Variants in CACNA1B observed in about 807,000 individuals in gnomAD.
CACNA1B encodes voltage-dependent N-type calcium channel subunit alpha-1B.
In CACNA1B, 70 loss-of-function variants were observed where a neutral mutation model predicts 247.2. The ratio of observed to expected loss-of-function variants is 0.28; its 90% CI spans 0.23 to 0.35. The LOEUF is 0.35. Among genes scored for constraint, CACNA1B ranks in the 10% least tolerant of loss-of-function variants. The probability of loss-of-function intolerance (pLI) is 1.00; values close to 1 mark genes in which losing one functional copy is unlikely to be tolerated. For synonymous variants in CACNA1B, 1,231 were observed against 1,294.4 expected, an observed-to-expected ratio of 0.95 and a Z score of 1.05; for missense variants, 2,367 against 3,197.4, an observed-to-expected ratio of 0.74 and a Z score of 6.26.
intron 16 of CACNA1B, among the ~76,000 whole-genome samples, chr9:138,009,488 G>A (rs1958697222): frequency 1.3e-5 from 2 of 152,252 alleles, no homozygotes; most frequent in Admixed American, 1.3e-4. Flanking sequence ...GCTGGCCACA[G>A]GTGGGTTTGC....
chr9:138,039,904 A>G (rs953989226), intron 20 of CACNA1B, among the ~76,000 whole-genome samples: 3 of 152,072 alleles, frequency 2.0e-5, no homozygotes, highest in Non-Finnish European at 4.4e-5. Context: ...ATTCATTAAT[A>G]TTTTGCTTGA....
chr9:137,921,286 G>T (rs1237188338), intron 6 of CACNA1B, among the ~76,000 whole-genome samples: 2 of 151,674 alleles, frequency 1.3e-5, no homozygotes, highest in African/African-American at 4.8e-5. Flanking sequence ...AGAGTAAAGC[G>T]TTCGGAGAAC....
chr9:137,984,920 A>G (rs528129719), intron 13 of CACNA1B, among the ~76,000 whole-genome samples: 48 of 152,228 alleles, frequency 3.2e-4, no homozygotes, highest in Non-Finnish European at 6.3e-4. Context: ...CCTCACTGCC[A>G]GAGTTGTAGT....
Position 138,121,963 on chromosome 9 carries a change from C to T in CACNA1B, c.6984C>T (p.His2328=), listed in dbSNP as rs778817136. 11 of 1,602,090 alleles carry T rather than the reference C, an allele frequency of 6.9e-6. No individual in the cohort carries two copies. The East Asian group carries it at 8.9e-5, about 13-fold the overall frequency. Residue 2328 remains histidine, a synonymous_variant, in exon 47 of 47, where the codon CAC becomes CAT. Transcript: ENST00000371372. The surrounding 1 kb of genome is among the most constrained non-coding windows in gnomAD (Gnocchi z 6.8). Reference sequence around the variant, plus strand: ...TCAGCTCGGGTGGCCGAGCACGGCACAGCTACCACCACCCTGACCAAGACC... The same window carrying T: ...TCAGCTCGGGTGGCCGAGCACGGCATAGCTACCACCACCCTGACCAAGACC... ...LGLSSGGRAR[H]SYHHPDQDHW... is the part of the protein sequence containing the mutation.
chr9:138,005,498 G>T (rs1368846916), intron 15 of CACNA1B, among the ~76,000 whole-genome samples: 2 of 152,184 alleles, frequency 1.3e-5, no homozygotes, highest in Admixed American at 6.5e-5. Flanking sequence ...TGGTTAAGGG[G>T]TACAAACACA....
chr9:137,998,122 T>G (rs901614643), intron 15 of CACNA1B, among the ~76,000 whole-genome samples: 1 of 151,464 alleles, frequency 6.6e-6, no homozygotes, highest in African/African-American at 2.4e-5. Flanking sequence ...TGGGGGTTGC[T>G]GGGAGGTGGG....
Position 138,052,011 on chromosome 9 carries a change from A to G in CACNA1B, c.3711-81A>G, listed in dbSNP as rs995798140. On this transcript the variant is annotated intron_variant, in intron 24 of 46. Coordinates refer to ENST00000371372, the MANE Select transcript of CACNA1B (RefSeq NM_000718.4). This position sits in a 1 kb window ranked among gnomAD's most constrained non-coding sequence, Gnocchi z 5.1. ...GAGACAAAATGCACAGGGGAGCAGGACTCAGACCCTGGGGGGCCACGTGGG... is the reference window on the plus strand; with the variant it reads ...GAGACAAAATGCACAGGGGAGCAGGGCTCAGACCCTGGGGGGCCACGTGGG... The G allele has an allele frequency of 1.2e-4, 94 of 762,848 alleles. No homozygotes were observed. The highest frequency in any genetic ancestry group is 5.1e-4 in the Middle Eastern group (2 of 3,918). 47.3% of individuals were successfully genotyped at this position (762,848 alleles called of 1,614,324 possible).
At chr9:137,916,365 T>C (rs1423445483) in intron 5 of CACNA1B, among the ~76,000 whole-genome samples, 1 of 152,182 alleles carries the variant, frequency 6.6e-6, no homozygotes, top group Admixed American at 6.5e-5. Context: ...TTTCGGCCTT[T>C]CATTGAGATT....
At chr9:138,096,653 A>C (rs931593496) in intron 37 of CACNA1B, 42 bp downstream of exon 37, 4 of 1,584,518 alleles carry the variant, frequency 2.5e-6, no homozygotes, top group Non-Finnish European at 3.4e-6. Context: ...GGGGTGGTCC[A>C]TGCCCATAGA....
chr9:138,060,129 A>C lies in CACNA1B; in HGVS notation c.4668+392A>C, dbSNP rs546787268. Among the ~76,000 whole-genome samples the C allele has an allele frequency of 1.4e-4, 21 of 152,224 alleles. No individual in the cohort carries two copies. The South Asian group carries it at 1.4e-3, about 11-fold the overall frequency. On this transcript the variant is annotated intron_variant, in intron 31 of 46. Coordinates refer to ENST00000371372, the MANE Select transcript of CACNA1B (RefSeq NM_000718.4). Reference sequence around the variant, plus strand: ...AAATATTGCCCCCCACCGTCTCTCTATCTCTCTCTATATATATCTGGAAAT... The same window carrying C: ...AAATATTGCCCCCCACCGTCTCTCTCTCTCTCTCTATATATATCTGGAAAT...
At chr9:137,947,693 A>C (rs1029639028) in intron 6 of CACNA1B, among the ~76,000 whole-genome samples, 1 of 151,820 alleles carries the variant, frequency 6.6e-6, no homozygotes, top group African/African-American at 2.4e-5. Flanking sequence ...TTCCCAAAGG[A>C]TATTCTTGGT....
intron 6 of CACNA1B, among the ~76,000 whole-genome samples, chr9:137,946,626 T>C (rs1171386490): frequency 6.6e-6 from 1 of 151,416 alleles, no homozygotes; most frequent in Non-Finnish European, 1.5e-5. Context: ...GGGAAAGGAC[T>C]CAGGTCCCTC....
chr9:138,075,453 A>G (rs1960282775), intron 34 of CACNA1B, among the ~76,000 whole-genome samples: 1 of 152,252 alleles, frequency 6.6e-6, no homozygotes, highest in African/African-American at 2.4e-5. Context: ...TTTTCCCATG[A>G]TCTGTCAGAC....
rs1958627272 is a variant in CACNA1B, at chr9:138,004,849, G to T, written c.1975-1918G>T. Among the ~76,000 whole-genome samples the T allele has an allele frequency of 2.0e-5, 3 of 152,162 alleles. No homozygotes were observed. In the South Asian group the frequency reaches 6.2e-4, roughly 32 times the overall value. ...GGCTCTGAATAGACATTTCTCAAAA[G>T]AAGACATACAAATGGCCAACAGATG... On this transcript the variant is annotated intron_variant, in intron 15 of 46. Transcript: ENST00000371372.
At chr9:137,999,644 G>C in intron 15 of CACNA1B, among the ~76,000 whole-genome samples, 1 of 152,064 alleles carries the variant, frequency 6.6e-6, no homozygotes, top group East Asian at 1.9e-4. Flanking sequence ...CAAGTAGCTG[G>C]GGCCATAGGC....
intron 6 of CACNA1B, among the ~76,000 whole-genome samples, chr9:137,923,936 T>C (rs1957520568): frequency 6.6e-6 from 1 of 152,220 alleles, no homozygotes; most frequent in Admixed American, 6.5e-5. Flanking sequence ...CTGTGTATCT[T>C]TGGTGAAACG....
Position 137,971,682 on chromosome 9 carries a change from G to GGCA in CACNA1B, c.1543+90_1543+91insGCA. 6 of 1,129,318 alleles carry GGCA rather than the reference G, an allele frequency of 5.3e-6. No homozygotes were observed. The highest frequency in any genetic ancestry group is 7.7e-6 in the Non-Finnish European group (6 of 777,338). The allele number at this position is 1,129,318 out of a possible 1,614,324, so 70.0% of individuals were successfully genotyped here. A position where few individuals can be genotyped will look rare whatever the true frequency, so the allele number is the denominator to read the frequency against. Reference sequence around the variant, plus strand: ...GGTCCATGCCCTGGGGCTACCCCAGGTGGGACGGGACCCACCCCCATGTTG... The same window carrying GGCA: ...GGTCCATGCCCTGGGGCTACCCCAGGGCATGGGACGGGACCCACCCCCATGTTG... On this transcript the variant is annotated intron_variant, in intron 11 of 46. Transcript: ENST00000371372. This position sits in a 1 kb window ranked among gnomAD's most constrained non-coding sequence, Gnocchi z 4.4.
chr9:138,082,626 A>G (rs992478688), intron 36 of CACNA1B, among the ~76,000 whole-genome samples: 2 of 151,278 alleles, frequency 1.3e-5, no homozygotes, highest in Non-Finnish European at 2.9e-5. Flanking sequence ...TGAACTTAAA[A>G]TATATAAGGA....
intron 3 of CACNA1B, among the ~76,000 whole-genome samples, chr9:137,906,940 A>T (rs1957306536): frequency 6.6e-6 from 1 of 152,254 alleles, no homozygotes; most frequent in Non-Finnish European, 1.5e-5. Context: ...TTAGAGAACT[A>T]AAATATTACA....
Sources: allele counts gnomAD v4.1 joint callset (sites outside exome capture counted in the v4.1 genomes callset), GRCh38; gene constraint gnomAD v4.1.1; non-coding constraint Gnocchi (gnomAD v3.1); transcripts MANE v1.5; gene names NCBI Gene and HGNC (gene_info 2026-07-23, HGNC 2026-07-21).